The following AKR1E2 variants were observed in gnomAD, a reference collection of about 807,000 sequenced individuals.
The protein encoded by AKR1E2 is aldo-keto reductase family 1 member E2.
Under a neutral mutation model 41.9 loss-of-function variants are expected in AKR1E2, and 43 were observed. The observed-to-expected ratio is 1.03, with a 90% CI of 0.80 to 1.32. The LOEUF (loss-of-function observed/expected upper bound fraction) is 1.32, where lower values mean the gene tolerates loss of function less well. Ranked by LOEUF, AKR1E2 falls within the 40% of genes most tolerant of loss-of-function variation. AKR1E2 has a pLI of 0.00. For missense variants in AKR1E2, 423 were observed against 396.5 expected, an observed-to-expected ratio of 1.07 and a Z score of -0.57; for synonymous variants, 121 against 138.9, an observed-to-expected ratio of 0.87 and a Z score of 0.91.
the AKR1E2 span, among the ~76,000 whole-genome samples, chr10:4,860,282 C>T: frequency 4.7e-4 from 72 of 152,318 alleles, no homozygotes; most frequent in Non-Finnish European, 4.1e-4. Flanking sequence ...CCATAGGGCA[C>T]TAGGCACCTT....
intron 6 of AKR1E2, among the ~76,000 whole-genome samples, chr10:4,840,727 C>A (rs964209789): frequency 6.7e-6 from 1 of 150,080 alleles, no homozygotes; most frequent in South Asian, 2.1e-4. Flanking sequence ...ACCCACAAAT[C>A]TTTTTTTTTT....
chr10:4,854,133 G>A, the AKR1E2 span, among the ~76,000 whole-genome samples: 10 of 140,866 alleles, frequency 7.1e-5, no homozygotes, highest in Non-Finnish European at 1.2e-4. Context: ...ATGCTCTGCT[G>A]CCAAGGCTGG....
chr10:4,827,137 C>T (rs982333381), intron 1 of AKR1E2, among the ~76,000 whole-genome samples: 2 of 148,864 alleles, frequency 1.3e-5, no homozygotes, highest in Non-Finnish European at 3.0e-5. Context: ...TTAAAAGAAA[C>T]TTTGGGATCT....
rs373348610 is a variant in AKR1E2, at chr10:4,843,613, C to T, written c.837+1109C>T. ...CGGTTTGGTTGTGCCAAGCAAGCAT[C>T]GCCATTGGGGTTTATTGACCCATCT... is the stretch of plus-strand genomic sequence containing the variant. On this transcript the variant is annotated intron_variant, in intron 8 of 9. Coordinates refer to ENST00000298375, the MANE Select transcript of AKR1E2 (RefSeq NM_001040177.3). Among the ~76,000 whole-genome samples the T allele has an allele frequency of 2.0e-5, 3 of 152,234 alleles. 1 individual carries two copies. Among genetic ancestry groups the T allele is most frequent in the East Asian group, 3.9e-4 (2 of 5,190 alleles).
intron 8 of AKR1E2, chr10:4,846,047 A>C (rs1834312522): frequency 2.8e-6 from 1 of 361,288 alleles, no homozygotes; most frequent in African/African-American, 2.1e-5. Flanking sequence ...CTGCTGCTGC[A>C]AGGCTGCCTA....
chr10:4,830,598 C>T, intron 1 of AKR1E2, 77 bp from the exon 2 acceptor site: 3 of 1,547,116 alleles, frequency 1.9e-6, no homozygotes, highest in East Asian at 2.3e-5. Flanking sequence ...ATGTTGTCCA[C>T]ATGCTTGGGT....
At chr10:4,843,516 C>G (rs1419461833) in intron 8 of AKR1E2, among the ~76,000 whole-genome samples, 1 of 152,086 alleles carries the variant, frequency 6.6e-6, no homozygotes, top group African/African-American at 2.4e-5. Flanking sequence ...CAGCATGTGC[C>G]CAGGAGTATG....
intron 4 of AKR1E2, among the ~76,000 whole-genome samples, chr10:4,836,903 A>C (rs2278870): frequency 0.44 from 66,360 of 151,994 alleles, 15,615 homozygotes; most frequent in East Asian, 0.68. Context: ...CCTGAAGCTC[A>C]GGGGCAGCCT....
chr10:4,868,089 G>A, the AKR1E2 span, among the ~76,000 whole-genome samples: 1 of 152,140 alleles, frequency 6.6e-6, no homozygotes, highest in African/African-American at 2.4e-5. Context: ...ATAAACTCCA[G>A]GCAGCTTCCT....
rs981704081 is a variant in AKR1E2, at chr10:4,842,630, T to C, written c.837+126T>C. On this transcript the variant is annotated intron_variant, in intron 8 of 9. Transcript: ENST00000298375. Reference sequence around the variant, plus strand: ...GCAACAGGGGCTTCTCCCTCTGCACTGTGGGTGTTGGTGGTTGACCTTCCC... The same window carrying C: ...GCAACAGGGGCTTCTCCCTCTGCACCGTGGGTGTTGGTGGTTGACCTTCCC... 5 of 785,178 alleles carry C rather than the reference T, an allele frequency of 6.4e-6. No individual in the cohort carries two copies. The African/African-American group carries it at 8.7e-5, about 14-fold the overall frequency. The allele number at this position is 785,178 out of a possible 1,614,324, so 48.6% of individuals were successfully genotyped here.
intron 8 of AKR1E2, 98 bp downstream of exon 8, chr10:4,842,602 G>T: frequency 9.3e-7 from 1 of 1,078,968 alleles, no homozygotes; most frequent in Non-Finnish European, 1.4e-6. Context: ...TGCGGAGCTT[G>T]ATGCAACAGG....
the AKR1E2 span, among the ~76,000 whole-genome samples, chr10:4,865,277 T>C: frequency 6.6e-6 from 1 of 152,204 alleles, no homozygotes; most frequent in Non-Finnish European, 1.5e-5. Flanking sequence ...TTTAAAAAGA[T>C]GGTATTGGAG....
chr10:4,858,916 C>T, the AKR1E2 span, among the ~76,000 whole-genome samples: 2 of 151,448 alleles, frequency 1.3e-5, no homozygotes, highest in Non-Finnish European at 2.9e-5. Flanking sequence ...CTTCGCCTCC[C>T]TGGTTCAAGT....
rs1414402088 is a variant in AKR1E2 at position 4,830,762 on chromosome 10, G to C, written c.127G>C (p.Glu43Gln). The C allele has an allele frequency of 6.2e-7, 1 of 1,614,130 alleles. No individual in the cohort carries two copies. Among genetic ancestry groups the C allele is most frequent in the South Asian group, 1.1e-5 (1 of 91,070 alleles). Residue 43 changes from glutamate to glutamine, a missense_variant, in exon 2 of 10, where the codon GAG becomes CAG. Physicochemically the swap from Glu to Gln is conservative, Grantham distance 29. Coordinates refer to ENST00000298375, the MANE Select transcript of AKR1E2 (RefSeq NM_001040177.3). Reference protein sequence around the residue: ...HFDCAYFYHNEREVGAGIRCK... With the variant: ...HFDCAYFYHNQREVGAGIRCK... The stretch of plus-strand genomic sequence containing the variant: ...CGACTGTGCTTACTTTTACCACAAT[G>C]AGAGGGAGGTTGGAGCAGGGATCCG...
chr10:4,826,470 C>T (rs1041363062), intron 1 of AKR1E2, 107 bp downstream of exon 1: 1 of 1,052,796 alleles, frequency 9.5e-7, no homozygotes, highest in African/African-American at 1.6e-5. Flanking sequence ...GGCGGCCTCC[C>T]CTCCGCCTGG....
intron 1 of AKR1E2, among the ~76,000 whole-genome samples, chr10:4,826,619 A>G (rs375118320): frequency 1.3e-5 from 2 of 151,924 alleles, no homozygotes; most frequent in African/African-American, 4.8e-5. Flanking sequence ...GCCAAGCCTC[A>G]GACTCTGGGG....
chr10:4,852,411 G>A (rs1231964522), downstream of AKR1E2, among the ~76,000 whole-genome samples: 1 of 152,178 alleles, frequency 6.6e-6, no homozygotes, highest in African/African-American at 2.4e-5. Flanking sequence ...GGCACAAAGG[G>A]CCCTGAACAA....
Position 4,833,484 on chromosome 10 carries a change from G to C in AKR1E2, c.324+18G>C. On this transcript the variant is annotated intron_variant, in intron 3 of 9. Coordinates refer to ENST00000298375, the MANE Select transcript of AKR1E2 (RefSeq NM_001040177.3). ...GTTTCAAGGTACCGTTCAGTAGGTA[G>C]TTCGTTCTGCAGTTTGCAGGACCTT... 1 of 1,602,426 alleles carries C rather than the reference G, an allele frequency of 6.2e-7. No homozygotes were observed. The highest frequency in any genetic ancestry group is 8.6e-7 in the Non-Finnish European group (1 of 1,169,378).
chr10:4,840,824 C>T (rs1363370871), intron 6 of AKR1E2, among the ~76,000 whole-genome samples: 1 of 152,134 alleles, frequency 6.6e-6, no homozygotes, highest in Non-Finnish European at 1.5e-5. Flanking sequence ...ATTTATGTTT[C>T]TTACACAGCC....
Sources: allele counts gnomAD v4.1 joint callset (sites outside exome capture counted in the v4.1 genomes callset), GRCh38; gene constraint gnomAD v4.1.1; transcripts MANE v1.5; gene names NCBI Gene and HGNC (gene_info 2026-07-23, HGNC 2026-07-21).